The following PRKCH variants were observed in gnomAD, a reference collection of about 807,000 sequenced individuals.
PRKCH encodes protein kinase C eta.
A neutral mutation model predicts 82.5 loss-of-function variants in PRKCH; 28 were observed. The ratio of observed to expected loss-of-function variants is 0.34; its 90% CI spans 0.25 to 0.47. PRKCH has a LOEUF of 0.47. PRKCH is among the 20% of genes least tolerant of loss of function. The probability of loss-of-function intolerance (pLI) is 1.00; values close to 1 mark genes in which losing one functional copy is unlikely to be tolerated. For synonymous variants in PRKCH, 322 were observed against 327.4 expected, an observed-to-expected ratio of 0.98 and a Z score of 0.18; for missense variants, 705 against 881.8, an observed-to-expected ratio of 0.80 and a Z score of 2.54.
chr14:61,196,130 TA>T, intron 1 of PRKCH, among the ~76,000 whole-genome samples: 1 of 152,080 alleles, frequency 6.6e-6, no homozygotes, highest in African/African-American at 2.4e-5. Flanking sequence ...AATAGCCTAT[TA>T]AAAAAAGATG....
At chr14:61,378,098 G>T (rs986023671) in intron 1 of PRKCH, among the ~76,000 whole-genome samples, 3 of 152,040 alleles carry the variant, frequency 2.0e-5, no homozygotes, top group African/African-American at 7.2e-5. Context: ...GACTCAGAAT[G>T]GTCTCACTTC....
At chr14:61,371,524 A>G (rs2046364112) in intron 1 of PRKCH, among the ~76,000 whole-genome samples, 1 of 151,994 alleles carries the variant, frequency 6.6e-6, no homozygotes, top group Admixed American at 6.5e-5. Context: ...ATGTCCTTCA[A>G]ATTGGGTTTG....
chr14:61,425,304 A>C (rs1217371108), intron 2 of PRKCH, among the ~76,000 whole-genome samples: 1 of 152,166 alleles, frequency 6.6e-6, no homozygotes, highest in Non-Finnish European at 1.5e-5. Flanking sequence ...CAGCCTATGA[A>C]AGCAGCCAGG....
At chr14:61,344,915 T>C (rs1009397297) in intron 1 of PRKCH, among the ~76,000 whole-genome samples, 1 of 152,164 alleles carries the variant, frequency 6.6e-6, no homozygotes, top group African/African-American at 2.4e-5. Context: ...AGTTGATTGA[T>C]TGAGGCTAGT....
Position 61,451,020 on chromosome 14 carries a change from C to T in PRKCH, c.832+49C>T. On this transcript the variant is annotated intron_variant, in intron 6 of 13. Coordinates refer to ENST00000332981, the MANE Select transcript of PRKCH (RefSeq NM_006255.5). ...CCCACCTCTTCATGGGAACACTATG[C>T]CCTAAGCTTTCAGAATTCTGTGGAC... The T allele has an allele frequency of 1.9e-6, 3 of 1,583,414 alleles. No homozygotes were observed. In the South Asian group the frequency reaches 3.5e-5, roughly 18 times the overall value.
intron 1 of PRKCH, among the ~76,000 whole-genome samples, chr14:61,375,799 C>T (rs886243948): frequency 7.2e-5 from 11 of 151,890 alleles, no homozygotes; most frequent in Admixed American, 1.3e-4. Flanking sequence ...CCAAACCATA[C>T]CACGGGCAAA....
chr14:61,477,106 T>C (rs1226824619), intron 9 of PRKCH: 2 of 152,206 alleles, frequency 1.3e-5, no homozygotes, highest in Non-Finnish European at 2.9e-5. Context: ...CAACGGTACT[T>C]AGGAGAAGTT....
chr14:61,409,021 C>T (rs28684449), intron 2 of PRKCH, among the ~76,000 whole-genome samples: 2,588 of 152,254 alleles, frequency 0.017, 55 homozygotes, highest in African/African-American at 0.059. Context: ...GTTTCCTGTT[C>T]GCTAGGCCAC....
intron 9 of PRKCH, among the ~76,000 whole-genome samples, chr14:61,459,304 AG>A (rs1238490912): frequency 6.6e-6 from 1 of 152,254 alleles, no homozygotes; most frequent in East Asian, 1.9e-4. Flanking sequence ...ATACACCTCT[AG>A]GGAAGGTAAA....
At chr14:61,491,247 T>C (rs1476779430) in intron 10 of PRKCH, among the ~76,000 whole-genome samples, 1 of 152,192 alleles carries the variant, frequency 6.6e-6, no homozygotes, top group Non-Finnish European at 1.5e-5. Context: ...GAAAGTAAAA[T>C]TTAACAGCTC....
chr14:61,328,676 T>C (rs901630580), intron 1 of PRKCH, among the ~76,000 whole-genome samples: 2 of 152,062 alleles, frequency 1.3e-5, no homozygotes, highest in Admixed American at 1.3e-4. Flanking sequence ...GGATTTTTGG[T>C]AGTCCTTTTT....
chr14:61,312,603 G>C, intron 1 of PRKCH, among the ~76,000 whole-genome samples: 1 of 152,108 alleles, frequency 6.6e-6, no homozygotes, highest in East Asian at 1.9e-4. Context: ...CCACATGGCT[G>C]GGGAGGCCTC....
chr14:61,213,301 T>C (rs1394233385), intron 1 of PRKCH, among the ~76,000 whole-genome samples: 2 of 152,206 alleles, frequency 1.3e-5, no homozygotes, highest in Admixed American at 6.5e-5. Context: ...GTCCTTTTGG[T>C]GGATTAACCC....
At chr14:61,330,953 C>G (rs1478597898) in intron 1 of PRKCH, among the ~76,000 whole-genome samples, 1 of 13,526 alleles carries the variant, frequency 7.4e-5, no homozygotes, top group Non-Finnish European at 2.7e-3. Context: ...AGCTGATGAG[C>G]TCAAAAAAAA....
rs562549634 is a variant in PRKCH, at chr14:61,505,594, C to T, written c.1433+19938C>T. Among the ~76,000 whole-genome samples, 31 of 151,676 alleles carry T rather than the reference C, an allele frequency of 2.0e-4. 1 individual carries two copies. The highest frequency in any genetic ancestry group is 6.8e-4 in the African/African-American group (28 of 41,278). Reference sequence around the variant, plus strand: ...TTCTGCATGTTGGTCAGGCTAATCTCGAACTCCCGACCTCAGGTGATCCAC... The same window carrying T: ...TTCTGCATGTTGGTCAGGCTAATCTTGAACTCCCGACCTCAGGTGATCCAC... On this transcript the variant is annotated intron_variant, in intron 10 of 13. Coordinates refer to ENST00000332981, the MANE Select transcript of PRKCH (RefSeq NM_006255.5).
At chr14:61,300,598 T>C (rs980139838) in intron 1 of PRKCH, among the ~76,000 whole-genome samples, 4 of 152,146 alleles carry the variant, frequency 2.6e-5, no homozygotes, top group Non-Finnish European at 5.9e-5. Context: ...ATATAGGAGT[T>C]AAAGAGAAAT....
intron 1 of PRKCH, among the ~76,000 whole-genome samples, chr14:61,229,331 A>G (rs1409523763): frequency 6.6e-6 from 1 of 152,100 alleles, no homozygotes; most frequent in East Asian, 1.9e-4. Flanking sequence ...GAACTTGGAG[A>G]TAGATTGCAG....
chr14:61,385,040 C>T (rs964566602), intron 1 of PRKCH, among the ~76,000 whole-genome samples: 6 of 151,964 alleles, frequency 3.9e-5, no homozygotes, highest in African/African-American at 1.2e-4. Context: ...TTTTTAAAGA[C>T]CACTGTTATC....
chr14:61,476,566 C>CT (rs1021752171), intron 9 of PRKCH: 14 of 152,208 alleles, frequency 9.2e-5, no homozygotes, highest in African/African-American at 3.4e-4. Flanking sequence ...TAGATTTCCT[C>CT]TTTGTTTCCC....
Sources: gnomAD v4.1 joint callset for allele counts (sites outside exome capture counted in the v4.1 genomes callset) on GRCh38, gnomAD v4.1.1 for gene constraint, MANE v1.5 for transcripts, NCBI Gene and HGNC (gene_info 2026-07-23, HGNC 2026-07-21) for gene names.